EPHA5: variants seen among roughly 807,000 people sequenced by gnomAD.
EPHA5 encodes the protein EPH receptor A5.
A neutral mutation model predicts 105.0 loss-of-function variants in EPHA5; 60 were observed. That is an observed-to-expected ratio of 0.57 (90% CI 0.46 to 0.71). The LOEUF is 0.71. Among genes scored for constraint, EPHA5 ranks in the 30% least tolerant of loss-of-function variants. The pLI is 0.00. For synonymous variants in EPHA5, 513 were observed against 449.1 expected, an observed-to-expected ratio of 1.14 and a Z score of -1.80; for missense variants, 1,218 against 1,274.7, an observed-to-expected ratio of 0.96 and a Z score of 0.68.
intron 5 of EPHA5, among the ~76,000 whole-genome samples, chr4:65,481,331 T>C (rs1730343282): frequency 6.6e-6 from 1 of 152,220 alleles, no homozygotes; most frequent in African/African-American, 2.4e-5. Flanking sequence ...ATTTAATTTA[T>C]TTTTTGCCTT....
At chr4:65,492,739 G>T (rs1731535609) in intron 4 of EPHA5, among the ~76,000 whole-genome samples, 1 of 152,020 alleles carries the variant, frequency 6.6e-6, no homozygotes, top group Admixed American at 6.6e-5. Context: ...AAACAGTGCT[G>T]CAATAAACAT....
chr4:65,502,081 T>C (rs570811225), intron 3 of EPHA5, among the ~76,000 whole-genome samples: 1 of 151,742 alleles, frequency 6.6e-6, no homozygotes, highest in Admixed American at 6.6e-5. Context: ...CCCTACATTT[T>C]ACTATGTACA....
At chr4:65,520,255 C>A (rs1734554588) in intron 3 of EPHA5, among the ~76,000 whole-genome samples, 1 of 152,098 alleles carries the variant, frequency 6.6e-6, no homozygotes, top group Admixed American at 6.6e-5. Flanking sequence ...TTTGACAAAC[C>A]TGACAAAAAC....
At chr4:65,585,220 T>C (rs1056098951) in intron 3 of EPHA5, among the ~76,000 whole-genome samples, 3 of 151,598 alleles carry the variant, frequency 2.0e-5, no homozygotes, top group Admixed American at 2.0e-4. Flanking sequence ...TTGCTATAAA[T>C]GAATTGAATG....
intron 16 of EPHA5, among the ~76,000 whole-genome samples, chr4:65,326,997 T>G (rs4508946): frequency 0.3 from 45,086 of 150,950 alleles, 7,493 homozygotes; most frequent in South Asian, 0.44. Context: ...GTCTAAAGGA[T>G]ATCAAATCAC....
intron 1 of EPHA5, among the ~76,000 whole-genome samples, chr4:65,654,754 C>A (rs540498382): frequency 1.1e-3 from 162 of 146,106 alleles, no homozygotes; most frequent in African/African-American, 3.7e-3. Flanking sequence ...AGTTATCTAT[C>A]TAAATTATAA....
chr4:65,532,820 G>C (rs1560658963), intron 3 of EPHA5, among the ~76,000 whole-genome samples: 1 of 151,682 alleles, frequency 6.6e-6, no homozygotes, highest in Non-Finnish European at 1.5e-5. Flanking sequence ...CCAGCTATAG[G>C]CATAGTTTTT....
At chr4:65,367,232 C>T in intron 9 of EPHA5, 125 bp downstream of exon 9, 3 of 813,514 alleles carry the variant, frequency 3.7e-6, no homozygotes, top group Non-Finnish European at 5.5e-6. Context: ...AAATAGAACA[C>T]TTTTAAAAAA....
In EPHA5 at chr4:65,616,460, G is replaced by C. The variant is rs541583968; in HGVS notation, c.247-14156C>G. Among the ~76,000 whole-genome samples, 731 of 149,922 alleles carry C rather than the reference G, an allele frequency of 4.9e-3. 2 individuals are homozygous for C. Among genetic ancestry groups the C allele is most frequent in the African/African-American group, 6.4e-3 (261 of 41,082 alleles). ...ACACACACACACACACACACAGAGA[G>C]AGAGAGAGAGAGAAGAGCATTAAGA... On this transcript the variant is annotated intron_variant, in intron 2 of 16. Coordinates refer to ENST00000613740, the MANE Select transcript of EPHA5 (RefSeq NM_001281766.3).
rs1298816438 is a variant in EPHA5, at chr4:65,506,597, C to T, written c.911-11054G>A. On this transcript the variant is annotated intron_variant, in intron 3 of 16. Coordinates refer to ENST00000613740, the MANE Select transcript of EPHA5 (RefSeq NM_001281766.3). ...GTTTTGATTTGCATTTCTCTGATGG[C>T]CAGTGATGATAAGCATTTTGTCATG... Among the ~76,000 whole-genome samples, 5 of 145,522 alleles carry T rather than the reference C, an allele frequency of 3.4e-5. 2 individuals carry two copies. Among genetic ancestry groups the T allele is most frequent in the Admixed American group, 1.4e-4 (2 of 14,526 alleles).
chr4:65,578,446 G>A (rs1288471021), intron 3 of EPHA5, among the ~76,000 whole-genome samples: 1 of 152,102 alleles, frequency 6.6e-6, no homozygotes, highest in Non-Finnish European at 1.5e-5. Context: ...GTTGGGCCTG[G>A]ACCATCCCAG....
chr4:65,527,086 T>C (rs1735307786), intron 3 of EPHA5, among the ~76,000 whole-genome samples: 1 of 152,078 alleles, frequency 6.6e-6, no homozygotes, highest in African/African-American at 2.4e-5. Flanking sequence ...AGAATTTGTA[T>C]ATAGTGCTTA....
chr4:65,420,298 G>C, intron 6 of EPHA5, 143 bp downstream of exon 6: 1 of 796,114 alleles, frequency 1.3e-6, no homozygotes, highest in Non-Finnish European at 1.9e-6. Flanking sequence ...TACACTTCTA[G>C]CCTCCATAAT....
chr4:65,586,745 C>T (rs1742162060), intron 3 of EPHA5, among the ~76,000 whole-genome samples: 1 of 151,898 alleles, frequency 6.6e-6, no homozygotes. Flanking sequence ...ATTTAATCTA[C>T]ATTAATCTCA....
chr4:65,360,679 A>G (rs1447367972), intron 11 of EPHA5, among the ~76,000 whole-genome samples: 2 of 151,572 alleles, frequency 1.3e-5, no homozygotes, highest in African/African-American at 4.8e-5. Flanking sequence ...CTGATTTTCA[A>G]ACTTTCCTAT....
intron 8 of EPHA5, among the ~76,000 whole-genome samples, chr4:65,396,776 C>A (rs1353937800): frequency 6.6e-6 from 1 of 152,174 alleles, no homozygotes; most frequent in Non-Finnish European, 1.5e-5. Flanking sequence ...TGAGGGACAA[C>A]TGATCCTGAA....
intron 5 of EPHA5, among the ~76,000 whole-genome samples, chr4:65,440,175 A>T (rs1271443944): frequency 1.3e-5 from 2 of 152,066 alleles, no homozygotes; most frequent in Admixed American, 1.3e-4. Flanking sequence ...AACTTCAGAA[A>T]TATTGTCATT....
chr4:65,334,663 A>G (rs1262660809), intron 15 of EPHA5, among the ~76,000 whole-genome samples: 1 of 152,016 alleles, frequency 6.6e-6, no homozygotes, highest in African/African-American at 2.4e-5. Context: ...AGTCGGTCTT[A>G]AAGCAAAATT....
chr4:65,390,656 G>A (rs1720622717), intron 8 of EPHA5, among the ~76,000 whole-genome samples: 1 of 152,118 alleles, frequency 6.6e-6, no homozygotes, highest in East Asian at 1.9e-4. Context: ...AGGAAGAAAT[G>A]ATAATATGTT....
Sources: gnomAD v4.1 joint callset for allele counts (sites outside exome capture counted in the v4.1 genomes callset) on GRCh38, gnomAD v4.1.1 for gene constraint, MANE v1.5 for transcripts, NCBI Gene and HGNC (gene_info 2026-07-23, HGNC 2026-07-21) for gene names.